VCP: variants seen among roughly 807,000 people sequenced by gnomAD.
VCP encodes the protein valosin containing protein.
A neutral mutation model predicts 85.7 loss-of-function variants in VCP; 6 were observed. The observed-to-expected ratio is 0.07, with a 90% CI of 0.04 to 0.14. The LOEUF is 0.14. VCP is among the 10% of genes least tolerant of loss of function. The probability of loss-of-function intolerance (pLI) is 1.00; values close to 1 mark genes in which losing one functional copy is unlikely to be tolerated. For synonymous variants in VCP, 384 were observed against 367.1 expected, an observed-to-expected ratio of 1.05 and a Z score of -0.53; for missense variants, 353 against 1,043.4, an observed-to-expected ratio of 0.34 and a Z score of 9.12.
At chr9:35,063,823 G>A (rs767655199) in intron 6 of VCP, among the ~76,000 whole-genome samples, 1 of 152,186 alleles carries the variant, frequency 6.6e-6, no homozygotes, top group African/African-American at 2.4e-5. Flanking sequence ...TAGACAGGCT[G>A]GCAAACTATG....
At chr9:35,064,080 C>CCAGGATTAGACATTGGGA (rs756672952) in intron 6 of VCP, 74 bp downstream of exon 6, 1 of 1,609,592 alleles carries the variant, frequency 6.2e-7, no homozygotes, top group African/African-American at 1.3e-5. Flanking sequence ...GAAAACAGTC[C>CCAGGATTAGACATTGGGA]CAGGATTAGA....
chr9:35,070,729 C>T (rs2299612), intron 1 of VCP, among the ~76,000 whole-genome samples: 26,782 of 152,200 alleles, frequency 0.18, 2,678 homozygotes, highest in Middle Eastern at 0.26. Flanking sequence ...AGCCACTGTG[C>T]CCGGTCAATA....
chr9:35,066,932 G>A lies in VCP; in HGVS notation c.303-115C>T, dbSNP rs1401138332. On this transcript the variant is annotated intron_variant, in intron 3 of 16. Coordinates refer to ENST00000358901, the MANE Select transcript of VCP (RefSeq NM_007126.5). Reference sequence around the variant, plus strand: ...GTAAGTGAAAAAGAAAAGGCAGGATGGCTTTAGGCGAAGAGAGGAAGGAGA... The same window carrying A: ...GTAAGTGAAAAAGAAAAGGCAGGATAGCTTTAGGCGAAGAGAGGAAGGAGA... The A allele has an allele frequency of 2.6e-6, 4 of 1,530,712 alleles. No homozygotes were observed. In the East Asian group the frequency reaches 6.7e-5, roughly 26 times the overall value. 94.8% of individuals were successfully genotyped at this position (1,530,712 alleles called of 1,614,324 possible).
At chr9:35,072,141 G>A (rs895946608) in intron 1 of VCP, 196 bp downstream of exon 1, 28 of 1,392,196 alleles carry the variant, frequency 2.0e-5, no homozygotes, top group Non-Finnish European at 2.6e-5. Flanking sequence ...CCCCGCCTAG[G>A]GGGCGCGCGG....
chr9:35,072,204 C>G (rs1828969049), intron 1 of VCP, 133 bp downstream of exon 1: 1 of 1,442,076 alleles, frequency 6.9e-7, no homozygotes, highest in South Asian at 1.3e-5. Context: ...CTCACTCGCC[C>G]CCTAGCTTCC....
chr9:35,068,469 G>A (rs983040646), intron 1 of VCP, 107 bp from the exon 2 acceptor site: 1 of 1,044,746 alleles, frequency 9.6e-7, no homozygotes, highest in Non-Finnish European at 1.5e-6. Context: ...GCTGTCCCTA[G>A]ACCAGAAAGC....
rs941909167 is a variant in VCP, at chr9:35,072,037, C to G, written c.17+300G>C. ...AGTGGGCCGGAAGACCTGGCCAGGC[C>G]CAGACGTCCGTTCTAAGGGAGCCAA... On this transcript the variant is annotated intron_variant, in intron 1 of 16. Transcript: ENST00000358901. 1.4e-5 allele frequency: 17 copies of G among 1,209,442 alleles called. No individual in the cohort carries two copies. In the East Asian group the frequency reaches 2.6e-4, roughly 19 times the overall value. The allele number at this position is 1,209,442 out of a possible 1,614,324, so 74.9% of individuals were successfully genotyped here.
intron 15 of VCP, among the ~76,000 whole-genome samples, chr9:35,058,558 C>T (rs1246823826): frequency 2.0e-5 from 3 of 152,018 alleles, no homozygotes; most frequent in Admixed American, 6.5e-5. Flanking sequence ...GTCAGGAGAT[C>T]GAGACCATCC....
intron 1 of VCP, 39 bp downstream of exon 1, chr9:35,072,298 C>T: frequency 1.3e-6 from 2 of 1,482,808 alleles, no homozygotes; most frequent in Non-Finnish European, 1.8e-6. Flanking sequence ...GGTCCCGGTG[C>T]GCGCCGCCGC....
intron 3 of VCP, among the ~76,000 whole-genome samples, chr9:35,067,602 G>A (rs1277825305): frequency 6.6e-6 from 1 of 152,114 alleles, no homozygotes; most frequent in African/African-American, 2.4e-5. Context: ...CCTAAGCCAG[G>A]ATATAAGTAT....
rs1828598199 is a variant in VCP, at chr9:35,056,122, A to G, written c.*995T>C. 1.3e-5 allele frequency: 2 copies of G among 152,040 alleles called. No homozygotes were observed. The highest frequency in any genetic ancestry group is 4.1e-4 in the South Asian group (2 of 4,822). The allele number at this position is 152,040 out of a possible 1,614,324, so 9.4% of individuals were successfully genotyped here. A position where few individuals can be genotyped will look rare whatever the true frequency, so the allele number is the denominator to read the frequency against. ...CAAAGTACATAAAATAAAGGTGGAC[A>G]CAACTGTAAGTGATCACCAACCAGG... is the stretch of plus-strand genomic sequence containing the variant. On this transcript the variant is annotated 3_prime_UTR_variant, in exon 17 of 17. Transcript: ENST00000358901.
intron 1 of VCP, among the ~76,000 whole-genome samples, chr9:35,070,894 A>G (rs1828927416): frequency 6.6e-6 from 1 of 152,146 alleles, no homozygotes; most frequent in South Asian, 2.1e-4. Flanking sequence ...GTAATCTCTA[A>G]AAGACTGAAT....
intron 1 of VCP, among the ~76,000 whole-genome samples, chr9:35,070,119 C>T (rs1238455661): frequency 2.0e-5 from 3 of 152,218 alleles, no homozygotes; most frequent in Non-Finnish European, 4.4e-5. Flanking sequence ...TCTGCTAACC[C>T]TCACACATAG....
rs2131038862 is a variant in VCP at position 35,066,657 on chromosome 9, C to T, written c.445+18G>A. 1 of 1,613,632 alleles carries T rather than the reference C, an allele frequency of 6.2e-7. No homozygotes were observed. Among genetic ancestry groups the T allele is most frequent in the Non-Finnish European group, 8.5e-7 (1 of 1,179,866 alleles). On this transcript the variant is annotated intron_variant, in intron 4 of 16. Coordinates refer to ENST00000358901, the MANE Select transcript of VCP (RefSeq NM_007126.5). ...TTCCCTACAGTCAATAATCCTTAAG[C>T]TCAGAATTAGCTCTCACCTTTCCGG...
rs879074973 is a variant in VCP, at chr9:35,072,568, T to TGGCAGCGGCAGCGGCAGC, written c.-233_-216dup. On this transcript the variant is annotated 5_prime_UTR_variant, in exon 1 of 17. Coordinates refer to ENST00000358901, the MANE Select transcript of VCP (RefSeq NM_007126.5). ...CTGATCCGCGAGGTGGCAGTGGCAGTGGCAGCGGCAGCGGCAGCGACGACT... is the reference window on the plus strand; with the variant it reads ...CTGATCCGCGAGGTGGCAGTGGCAGTGGCAGCGGCAGCGGCAGCGGCAGCGGCAGCGGCAGCGACGACT... 5.1e-4 allele frequency: 271 copies of TGGCAGCGGCAGCGGCAGC among 532,124 alleles called. No individual in the cohort carries two copies. Among genetic ancestry groups the TGGCAGCGGCAGCGGCAGC allele is most frequent in the Non-Finnish European group, 7.1e-4 (230 of 323,560 alleles). 33.0% of individuals were successfully genotyped at this position (532,124 alleles called of 1,614,324 possible). A position where few individuals can be genotyped will look rare whatever the true frequency, so the allele number is the denominator to read the frequency against.
chr9:35,065,193 C>A, intron 5 of VCP, 58 bp downstream of exon 5: 1 of 1,612,620 alleles, frequency 6.2e-7, no homozygotes, highest in South Asian at 1.1e-5. Flanking sequence ...ACAGTTACCA[C>A]ATGATGCCAC....
At position 35,059,033 on chromosome 9, in the gene VCP, T is replaced by C. The variant is rs572137001; in HGVS notation, c.2160+31A>G. ...TGGCTGCTGCCTGGCTCTCCATGATTGGCACATCTGGGGAAAGGATGCAGA... is the reference window on the plus strand; with the variant it reads ...TGGCTGCTGCCTGGCTCTCCATGATCGGCACATCTGGGGAAAGGATGCAGA... On this transcript the variant is annotated intron_variant, in intron 15 of 16. Transcript: ENST00000358901. This position sits in a 1 kb window ranked among gnomAD's most constrained non-coding sequence, Gnocchi z 4.9. 1 of 1,613,096 alleles carries C rather than the reference T, an allele frequency of 6.2e-7. No homozygotes were observed. Among genetic ancestry groups the C allele is most frequent in the Admixed American group, 1.7e-5 (1 of 60,022 alleles).
At chr9:35,065,947 G>A (rs1828820331) in intron 4 of VCP, among the ~76,000 whole-genome samples, 1 of 152,132 alleles carries the variant, frequency 6.6e-6, no homozygotes, top group Non-Finnish European at 1.5e-5. Context: ...CCAACATGGT[G>A]AAACCCCGTC....
intron 1 of VCP, 60 bp from the exon 2 acceptor site, chr9:35,068,422 A>G (rs1000843787): frequency 1.4e-6 from 2 of 1,407,632 alleles, no homozygotes; most frequent in South Asian, 2.3e-5. Context: ...CCAGTCTCTA[A>G]AACTCATACT....
Sources: allele counts gnomAD v4.1 joint callset (sites outside exome capture counted in the v4.1 genomes callset), GRCh38; gene constraint gnomAD v4.1.1; non-coding constraint Gnocchi (gnomAD v3.1); transcripts MANE v1.5; gene names NCBI Gene and HGNC (gene_info 2026-07-23, HGNC 2026-07-21).